CACNA2D3: variants seen among roughly 807,000 people sequenced by gnomAD.
The protein encoded by CACNA2D3 is calcium voltage-gated channel auxiliary subunit alpha2delta 3.
A neutral mutation model predicts 160.6 loss-of-function variants in CACNA2D3; 60 were observed. That is an observed-to-expected ratio of 0.37 (90% CI 0.30 to 0.46). The LOEUF (loss-of-function observed/expected upper bound fraction) is 0.46. Ranked by LOEUF, CACNA2D3 falls within the 20% of genes least tolerant of loss-of-function variation. The pLI is 1.00. For missense variants in CACNA2D3, 1,205 were observed against 1,365.0 expected (o/e 0.88, Z 1.85); for synonymous variants, 558 against 492.9 (o/e 1.13, Z -1.75).
chr3:54,733,515 C>T (rs1251334664), intron 11 of CACNA2D3, among the ~76,000 whole-genome samples: 6 of 152,166 alleles, frequency 3.9e-5, no homozygotes, highest in African/African-American at 1.4e-4. Context: ...CAATTTGAAG[C>T]AGCTAATTAG....
chr3:54,825,817 A>G lies in CACNA2D3; in HGVS notation c.1398+8947A>G, dbSNP rs145459449. Among the ~76,000 whole-genome samples, 4 of 152,362 alleles carry G rather than the reference A, an allele frequency of 2.6e-5. No individual in the cohort carries two copies. In the East Asian group the frequency reaches 7.7e-4, roughly 29 times the overall value. On this transcript the variant is annotated intron_variant, in intron 14 of 37. Transcript: ENST00000474759. ...ACCAAATCTATGTAAAATATAATAA[A>G]TGAAGTCTATATCAAATCAATGTGA... is the stretch of plus-strand genomic sequence containing the variant.
chr3:54,192,196 A>C (rs536604400), intron 2 of CACNA2D3, among the ~76,000 whole-genome samples: 6 of 151,942 alleles, frequency 3.9e-5, no homozygotes, highest in African/African-American at 1.5e-4. Context: ...ACTTCCAGAA[A>C]GTTCTTTTAA....
chr3:54,766,790 G>C (rs1053368564), intron 13 of CACNA2D3, among the ~76,000 whole-genome samples: 3 of 152,074 alleles, frequency 2.0e-5, no homozygotes, highest in South Asian at 2.1e-4. Flanking sequence ...AGTTGATAGA[G>C]AGTGATTTAC....
intron 2 of CACNA2D3, among the ~76,000 whole-genome samples, chr3:54,141,856 T>C (rs1233129770): frequency 2.6e-5 from 4 of 152,214 alleles, no homozygotes; most frequent in Non-Finnish European, 5.9e-5. Context: ...ACAAACATTT[T>C]TGCATCTTGC....
intron 2 of CACNA2D3, among the ~76,000 whole-genome samples, chr3:54,146,455 G>A (rs1700030497): frequency 6.6e-6 from 1 of 152,226 alleles, no homozygotes; most frequent in African/African-American, 2.4e-5. Flanking sequence ...CTTAGCTGCA[G>A]CTGATAAGCT....
intron 12 of CACNA2D3, among the ~76,000 whole-genome samples, chr3:54,757,767 G>C (rs150393939): frequency 1.3e-5 from 2 of 152,192 alleles, no homozygotes; most frequent in Admixed American, 1.3e-4. Flanking sequence ...ATGAGGTACT[G>C]TTATCATTAT....
intron 2 of CACNA2D3, among the ~76,000 whole-genome samples, chr3:54,150,938 C>T (rs570310444): frequency 4.6e-4 from 65 of 141,958 alleles, no homozygotes; most frequent in African/African-American, 9.3e-4. Context: ...GGTGGATAGA[C>T]GAATGAATGG....
At chr3:54,790,342 C>T (rs1254619443) in intron 13 of CACNA2D3, among the ~76,000 whole-genome samples, 1 of 152,154 alleles carries the variant, frequency 6.6e-6, no homozygotes, top group Non-Finnish European at 1.5e-5. Context: ...AGTAGGGTTG[C>T]CTGCTGCTAT....
chr3:54,190,601 A>G (rs1438609380), intron 2 of CACNA2D3, among the ~76,000 whole-genome samples: 4 of 152,218 alleles, frequency 2.6e-5, no homozygotes, highest in African/African-American at 9.6e-5. Flanking sequence ...AGACCTTTGG[A>G]CATGAATCTT....
chr3:54,786,299 CA>C (rs1272337452), intron 13 of CACNA2D3, among the ~76,000 whole-genome samples: 4 of 152,336 alleles, frequency 2.6e-5, no homozygotes, highest in Middle Eastern at 3.4e-3. Context: ...GTACCTAACA[CA>C]GTACCATACA....
intron 5 of CACNA2D3, among the ~76,000 whole-genome samples, chr3:54,540,566 G>A (rs768442987): frequency 6.6e-6 from 1 of 152,126 alleles, no homozygotes; most frequent in Non-Finnish European, 1.5e-5. Context: ...TGCATTGGTC[G>A]GGTATATATA....
chr3:54,194,717 G>A (rs776661368), intron 2 of CACNA2D3, among the ~76,000 whole-genome samples: 2 of 152,222 alleles, frequency 1.3e-5, no homozygotes, highest in Non-Finnish European at 2.9e-5. Flanking sequence ...CTCATAGATG[G>A]CACTGACTAG....
rs149159929 is a variant in CACNA2D3 at position 54,328,675 on chromosome 3, T to G, written c.321+8117T>G. ...ACCAGGGTTTGAGGAAATTACACCATGTCACACAGAGAGCATGGGCTTGCC... is the reference window on the plus strand; with the variant it reads ...ACCAGGGTTTGAGGAAATTACACCAGGTCACACAGAGAGCATGGGCTTGCC... On this transcript the variant is annotated intron_variant, in intron 3 of 37. Coordinates refer to ENST00000474759, the MANE Select transcript of CACNA2D3 (RefSeq NM_018398.3). 1.5e-3 allele frequency among the ~76,000 whole-genome samples: 223 copies of G among 152,294 alleles called. 2 individuals carry two copies. The highest frequency in any genetic ancestry group is 5.0e-3 in the African/African-American group (208 of 41,562).
In CACNA2D3 at chr3:54,129,443, T is replaced by A. The variant is rs898207256; in HGVS notation, c.204+5849T>A. Among the ~76,000 whole-genome samples, 2 of 152,348 alleles carry A rather than the reference T, an allele frequency of 1.3e-5. 1 individual carries two copies. On this transcript the variant is annotated intron_variant, in intron 2 of 37. Coordinates refer to ENST00000474759, the MANE Select transcript of CACNA2D3 (RefSeq NM_018398.3). ...TGTTTAAGGCACTAAATTTATAACA[T>A]GTATTAAATTTATATGTTGCATAGC...
At chr3:54,282,607 G>T (rs901952700) in intron 2 of CACNA2D3, among the ~76,000 whole-genome samples, 8 of 152,208 alleles carry the variant, frequency 5.3e-5, no homozygotes, top group Admixed American at 2.6e-4. Context: ...ACTGTATTCA[G>T]TGATGTTACT....
chr3:54,763,641 G>T (rs1032831322), intron 12 of CACNA2D3, among the ~76,000 whole-genome samples: 1 of 134,164 alleles, frequency 7.5e-6, no homozygotes, highest in African/African-American at 2.7e-5. Flanking sequence ...GTGTGTGTGT[G>T]TGTGTATATA....
intron 2 of CACNA2D3, among the ~76,000 whole-genome samples, chr3:54,263,651 G>A (rs1424381216): frequency 2.0e-5 from 3 of 152,158 alleles, no homozygotes; most frequent in Non-Finnish European, 4.4e-5. Flanking sequence ...GGGGCCAACT[G>A]GGCTGGTTTG....
intron 2 of CACNA2D3, among the ~76,000 whole-genome samples, chr3:54,318,068 T>A (rs913423227): frequency 2.0e-5 from 3 of 152,154 alleles, no homozygotes; most frequent in Middle Eastern, 3.2e-3. Flanking sequence ...GCTGCATCCT[T>A]CCTTCCATCT....
intron 34 of CACNA2D3, among the ~76,000 whole-genome samples, chr3:55,015,474 G>A (rs1021843078): frequency 1.3e-5 from 2 of 152,182 alleles, no homozygotes; most frequent in Non-Finnish European, 2.9e-5. Flanking sequence ...CTTCATAAAT[G>A]TAGCTGTTAT....
Sources: allele counts gnomAD v4.1 joint callset (sites outside exome capture counted in the v4.1 genomes callset), GRCh38; gene constraint gnomAD v4.1.1; transcripts MANE v1.5; gene names NCBI Gene and HGNC (gene_info 2026-07-23, HGNC 2026-07-21).